The following ZSWIM6 variants were observed in gnomAD, a reference collection of about 807,000 sequenced individuals.
The protein encoded by ZSWIM6 is zinc finger SWIM domain-containing protein 6.
A neutral mutation model predicts 113.2 loss-of-function variants in ZSWIM6; 9 were observed. That is an observed-to-expected ratio of 0.08 (90% CI 0.05 to 0.14). The LOEUF (loss-of-function observed/expected upper bound fraction) is 0.14. ZSWIM6 is among the 10% of genes least tolerant of loss of function. ZSWIM6 has a pLI of 1.00. For synonymous variants in ZSWIM6, 611 were observed against 606.5 expected (o/e 1.01, Z -0.11); for missense variants, 1,162 against 1,552.2 (o/e 0.75, Z 4.22).
chr5:61,373,755 G>A lies in ZSWIM6; in HGVS notation c.676+40807G>A, dbSNP rs191865439. Among the ~76,000 whole-genome samples the A allele has an allele frequency of 2.6e-5, 4 of 151,816 alleles. No homozygotes were observed. In the East Asian group the frequency reaches 7.8e-4, roughly 29 times the overall value. The stretch of plus-strand genomic sequence containing the variant: ...TGTCTACAAGGCCCTTCATCATCTG[G>A]CCCCACCTACTTCTTTAATATCATA... On this transcript the variant is annotated intron_variant, in intron 1 of 13. Transcript: ENST00000252744.
At chr5:61,427,224 C>T (rs956019827) in intron 1 of ZSWIM6, among the ~76,000 whole-genome samples, 13 of 152,126 alleles carry the variant, frequency 8.5e-5, no homozygotes, top group Non-Finnish European at 1.5e-4. Flanking sequence ...GTGAGAGGTT[C>T]ATTCTAGGAA....
chr5:61,437,997 T>C (rs1418942546), intron 1 of ZSWIM6, among the ~76,000 whole-genome samples: 1 of 152,158 alleles, frequency 6.6e-6, no homozygotes, highest in Non-Finnish European at 1.5e-5. Context: ...TCTTAAATAC[T>C]GAACACTCTC....
At chr5:61,537,272 G>A (rs547583345) in intron 10 of ZSWIM6, among the ~76,000 whole-genome samples, 4 of 152,296 alleles carry the variant, frequency 2.6e-5, no homozygotes, top group East Asian at 1.9e-4. Flanking sequence ...TACTAGCAGG[G>A]TACAGGGGAA....
chr5:61,377,348 ATAGTT>A lies in ZSWIM6; in HGVS notation c.676+44404_676+44408del, dbSNP rs559479574. On this transcript the variant is annotated intron_variant, in intron 1 of 13. Transcript: ENST00000252744. ...GAACTAAGCAGGGGAGAAAACTTGT[ATAGTT>A]TAGAATGAAAGTTTTTTTTTTCTTG... Among the ~76,000 whole-genome samples the A allele has an allele frequency of 9.2e-5, 14 of 152,320 alleles. No homozygotes were observed. The South Asian group carries it at 2.5e-3, about 27-fold the overall frequency.
intron 1 of ZSWIM6, among the ~76,000 whole-genome samples, chr5:61,425,272 G>C (rs374151654): frequency 6.6e-6 from 1 of 152,192 alleles, no homozygotes; most frequent in Non-Finnish European, 1.5e-5. Flanking sequence ...GGAGAAAAAG[G>C]TGTATATTCA....
At chr5:61,351,584 A>T (rs999890777) in intron 1 of ZSWIM6, among the ~76,000 whole-genome samples, 2 of 152,340 alleles carry the variant, frequency 1.3e-5, no homozygotes, top group East Asian at 3.9e-4. Flanking sequence ...TTAAGGGCTT[A>T]TTATGAACTC....
intron 1 of ZSWIM6, among the ~76,000 whole-genome samples, chr5:61,468,125 A>G (rs1350145996): frequency 6.6e-6 from 1 of 152,240 alleles, no homozygotes; most frequent in Non-Finnish European, 1.5e-5. Context: ...ATTTCTAGCC[A>G]CATTTTGCAC....
intron 1 of ZSWIM6, among the ~76,000 whole-genome samples, chr5:61,463,546 T>A (rs1747361068): frequency 6.6e-6 from 1 of 152,184 alleles, no homozygotes; most frequent in South Asian, 2.1e-4. Context: ...CACATTCCAG[T>A]GTGAGAACCA....
intron 4 of ZSWIM6, among the ~76,000 whole-genome samples, chr5:61,518,416 G>A (rs1027361978): frequency 4.0e-5 from 6 of 150,824 alleles, no homozygotes; most frequent in Non-Finnish European, 7.4e-5. Context: ...CAGTGTAAAA[G>A]TGTTCCTATT....
intron 1 of ZSWIM6, among the ~76,000 whole-genome samples, chr5:61,467,870 A>G (rs1747470821): frequency 6.6e-6 from 1 of 152,186 alleles, no homozygotes; most frequent in African/African-American, 2.4e-5. Context: ...TAACTGAGAC[A>G]TTCTCAGTGA....
chr5:61,397,865 G>A (rs1341439913), intron 1 of ZSWIM6, among the ~76,000 whole-genome samples: 1 of 152,116 alleles, frequency 6.6e-6, no homozygotes, highest in Non-Finnish European at 1.5e-5. Flanking sequence ...TGGTCGCAGT[G>A]CCTAGCACAG....
chr5:61,524,190 A>G (rs772888092), intron 5 of ZSWIM6, among the ~76,000 whole-genome samples: 7 of 152,170 alleles, frequency 4.6e-5, no homozygotes, highest in Non-Finnish European at 7.3e-5. Flanking sequence ...CACGGAACCA[A>G]TTTCTTGCTG....
At chr5:61,357,430 C>T (rs1744938382) in intron 1 of ZSWIM6, among the ~76,000 whole-genome samples, 1 of 151,978 alleles carries the variant, frequency 6.6e-6, no homozygotes. Context: ...GAGCTGGAGC[C>T]ATGGAAGCAA....
At chr5:61,386,888 T>C (rs1446384720) in intron 1 of ZSWIM6, among the ~76,000 whole-genome samples, 1 of 152,216 alleles carries the variant, frequency 6.6e-6, no homozygotes, top group East Asian at 1.9e-4. Context: ...TCTCATTTTA[T>C]TTTTGAGGCT....
At chr5:61,451,681 T>G (rs897068814) in intron 1 of ZSWIM6, among the ~76,000 whole-genome samples, 4 of 152,212 alleles carry the variant, frequency 2.6e-5, no homozygotes, top group African/African-American at 7.2e-5. Flanking sequence ...CTCATTAGAC[T>G]TCATTAATTA....
Position 61,537,167 on chromosome 5 carries a change from G to A in ZSWIM6, c.2381+1548G>A, listed in dbSNP as rs374294706. On this transcript the variant is annotated intron_variant, in intron 10 of 13. Transcript: ENST00000252744. ...TCTGTGTGGTTCTGGCTTATGTAAT[G>A]GTATGTGCCAGGCAGAAAGGCTTGC... Among the ~76,000 whole-genome samples, 11 of 152,262 alleles carry A rather than the reference G, an allele frequency of 7.2e-5. No individual in the cohort carries two copies. In the South Asian group the frequency reaches 1.7e-3, roughly 23 times the overall value.
intron 3 of ZSWIM6, 139 bp from the exon 4 acceptor site, chr5:61,494,118 TCCA>T: frequency 3.4e-6 from 3 of 882,292 alleles, no homozygotes; most frequent in Non-Finnish European, 5.0e-6. Flanking sequence ...CCGCCTATCC[TCCA>T]CCACACACAC....
At chr5:61,509,938 T>G (rs891098139) in intron 4 of ZSWIM6, among the ~76,000 whole-genome samples, 1 of 152,138 alleles carries the variant, frequency 6.6e-6, no homozygotes, top group Non-Finnish European at 1.5e-5. Flanking sequence ...CTCAATTTCT[T>G]CAACATCCAA....
At chr5:61,451,432 A>C (rs141066867) in intron 1 of ZSWIM6, among the ~76,000 whole-genome samples, 1 of 152,310 alleles carries the variant, frequency 6.6e-6, no homozygotes, top group East Asian at 1.9e-4. Context: ...TTTTGAAGAC[A>C]GATGCATAAG....
Sources: gnomAD v4.1 joint callset for allele counts (sites outside exome capture counted in the v4.1 genomes callset) on GRCh38, gnomAD v4.1.1 for gene constraint, MANE v1.5 for transcripts, NCBI Gene and HGNC (gene_info 2026-07-23, HGNC 2026-07-21) for gene names.